The following ATL2 variants were observed in gnomAD, a reference collection of about 807,000 sequenced individuals.
ATL2 encodes the protein atlastin-2.
In ATL2, 31 loss-of-function variants were observed where a neutral mutation model predicts 73.9. The ratio of observed to expected loss-of-function variants is 0.42; its 90% confidence interval spans 0.32 to 0.57. ATL2 has a LOEUF of 0.57. Among genes scored for constraint, ATL2 ranks in the 20% least tolerant of loss-of-function variants. The probability of loss-of-function intolerance (pLI) is 0.14; values close to 1 mark genes in which losing one functional copy is unlikely to be tolerated. For synonymous variants in ATL2, 291 were observed against 237.5 expected (o/e 1.23, Z -2.07); for missense variants, 738 against 702.6 (o/e 1.05, Z -0.57).
intron 1 of ATL2, among the ~76,000 whole-genome samples, chr2:38,372,695 A>G (rs955906186): frequency 2.0e-5 from 3 of 152,252 alleles, no homozygotes; most frequent in Admixed American, 1.3e-4. Flanking sequence ...ATAACTGAAC[A>G]AACACCTTCC....
In ATL2 at chr2:38,307,726, A is replaced by G. The variant is rs145279981; in HGVS notation, c.1071+1653T>C. Among the ~76,000 whole-genome samples, 88 of 152,216 alleles carry G rather than the reference A, an allele frequency of 5.8e-4. 2 individuals carry two copies. Among genetic ancestry groups the G allele is most frequent in the African/African-American group, 1.9e-3 (77 of 41,548 alleles). ...CTAGTCTGATAAGGGATTAGTAACC[A>G]GACTATATAAGGAGTTCAAACAACT... is the stretch of plus-strand genomic sequence containing the variant. On this transcript the variant is annotated intron_variant, in intron 9 of 12. Transcript: ENST00000378954.
At chr2:38,334,028 CTTTT>C (rs34303299) in intron 2 of ATL2, among the ~76,000 whole-genome samples, 4 of 121,644 alleles carry the variant, frequency 3.3e-5, no homozygotes, top group Admixed American at 1.7e-4. Flanking sequence ...ATCCAATCCT[CTTTT>C]TTTTTTTTTT....
chr2:38,351,731 G>T (rs1029315868), intron 1 of ATL2, among the ~76,000 whole-genome samples: 26 of 151,882 alleles, frequency 1.7e-4, no homozygotes, highest in African/African-American at 5.1e-4. Context: ...GACCTCAGGC[G>T]ATCCACCCGC....
intron 2 of ATL2, among the ~76,000 whole-genome samples, chr2:38,330,289 TC>T (rs1425678498): frequency 6.8e-6 from 1 of 146,468 alleles, no homozygotes; most frequent in African/African-American, 2.5e-5. Flanking sequence ...CTACAAAAAA[TC>T]CTACAGCTAA....
intron 1 of ATL2, among the ~76,000 whole-genome samples, chr2:38,363,009 T>C (rs1296671603): frequency 2.0e-5 from 3 of 152,232 alleles, no homozygotes; most frequent in Non-Finnish European, 4.4e-5. Context: ...TTAGGTGTTG[T>C]AGCTTTTACT....
At chr2:38,337,145 C>A (rs143244909) in intron 2 of ATL2, among the ~76,000 whole-genome samples, 3 of 151,890 alleles carry the variant, frequency 2.0e-5, no homozygotes, top group African/African-American at 7.2e-5. Flanking sequence ...TTGAAGACAA[C>A]CAATCACAAT....
chr2:38,303,525 G>A (rs145149703), intron 9 of ATL2, among the ~76,000 whole-genome samples: 2 of 151,956 alleles, frequency 1.3e-5, no homozygotes, highest in East Asian at 3.9e-4. Flanking sequence ...ACAAGCAGAA[G>A]AATTAGTCAG....
chr2:38,321,080 G>A (rs1026774855), intron 2 of ATL2, among the ~76,000 whole-genome samples: 2 of 152,016 alleles, frequency 1.3e-5, no homozygotes, highest in Non-Finnish European at 1.5e-5. Flanking sequence ...GCTTGAACCC[G>A]GGTTTCAGGT....
rs772156544 is a variant in ATL2, at chr2:38,343,220, T to G, written c.363+48A>C. On this transcript the variant is annotated intron_variant, in intron 2 of 12. Transcript: ENST00000378954. ...TTGTCTATTTTTTTAACAGGCATGG[T>G]TGGTACTTTTTTCTTTTTAATTGGG... 7.6e-6 allele frequency: 11 copies of G among 1,456,358 alleles called. 1 individual carries two copies. In the South Asian group the frequency reaches 1.3e-4, roughly 17 times the overall value. 90.2% of individuals were successfully genotyped at this position (1,456,358 alleles called of 1,614,324 possible).
chr2:38,329,782 C>T (rs1302167072), intron 2 of ATL2, among the ~76,000 whole-genome samples: 2 of 152,110 alleles, frequency 1.3e-5, no homozygotes, highest in Admixed American at 6.6e-5. Flanking sequence ...GAATGCAAGG[C>T]TGGCTCAACA....
At chr2:38,306,274 C>T (rs1385786314) in intron 9 of ATL2, among the ~76,000 whole-genome samples, 2 of 152,122 alleles carry the variant, frequency 1.3e-5, no homozygotes, top group African/African-American at 2.4e-5. Context: ...CAAAGAAAAG[C>T]CCGAAAGCTA....
At chr2:38,314,763 A>G (rs2148429096) in intron 5 of ATL2, 99 bp from the exon 6 acceptor site, 1 of 732,882 alleles carries the variant, frequency 1.4e-6, no homozygotes, top group East Asian at 2.8e-5. Flanking sequence ...CAGAACCTTT[A>G]AAATCATTTC....
chr2:38,344,745 T>C (rs189116643), intron 1 of ATL2, among the ~76,000 whole-genome samples: 1 of 152,334 alleles, frequency 6.6e-6, no homozygotes, highest in East Asian at 1.9e-4. Context: ...CTAGTACTAC[T>C]ACAGCCTCCT....
Position 38,334,401 on chromosome 2 carries a change from C to T in ATL2, c.363+8867G>A, listed in dbSNP as rs527607304. 2.6e-5 allele frequency among the ~76,000 whole-genome samples: 4 copies of T among 151,618 alleles called. No homozygotes were observed. The South Asian group carries it at 6.3e-4, about 24-fold the overall frequency. On this transcript the variant is annotated intron_variant, in intron 2 of 12. Transcript: ENST00000378954. Reference sequence around the variant, plus strand: ...CCCACAATTTTTATTTCCTTATTGACTCTTAAAAATCTGGTCAAGGCCGGG... The same window carrying T: ...CCCACAATTTTTATTTCCTTATTGATTCTTAAAAATCTGGTCAAGGCCGGG...
intron 2 of ATL2, among the ~76,000 whole-genome samples, chr2:38,334,846 A>G (rs1442480018): frequency 7.4e-6 from 1 of 135,552 alleles, no homozygotes; most frequent in African/African-American, 2.9e-5. Context: ...GTTATAATTT[A>G]TATTCAATAT....
chr2:38,316,492 G>C (rs1172796186), intron 4 of ATL2, among the ~76,000 whole-genome samples: 1 of 151,930 alleles, frequency 6.6e-6, no homozygotes, highest in Non-Finnish European at 1.5e-5. Flanking sequence ...TTTGTTGAAG[G>C]AATAAATGAC....
At chr2:38,351,314 T>C (rs540756439) in intron 1 of ATL2, among the ~76,000 whole-genome samples, 170 of 152,258 alleles carry the variant, frequency 1.1e-3, no homozygotes, top group African/African-American at 3.9e-3. Flanking sequence ...GATGGTTAAA[T>C]ATATTTCTAG....
intron 9 of ATL2, among the ~76,000 whole-genome samples, chr2:38,307,533 T>C (rs1667518495): frequency 1.3e-5 from 2 of 151,990 alleles, no homozygotes; most frequent in African/African-American, 4.8e-5. Flanking sequence ...TGGGGAAACC[T>C]TCCAGGAAAT....
At chr2:38,296,444 G>A in intron 12 of ATL2, 1 of 1,567,634 alleles carries the variant, frequency 6.4e-7, no homozygotes, top group Non-Finnish European at 8.7e-7. Flanking sequence ...ATGTGTAAGT[G>A]TGAACACTTC....
Sources: allele counts gnomAD v4.1 joint callset (sites outside exome capture counted in the v4.1 genomes callset), GRCh38; gene constraint gnomAD v4.1.1; transcripts MANE v1.5; gene names NCBI Gene and HGNC (gene_info 2026-07-23, HGNC 2026-07-21).